DPP10: variants seen among roughly 807,000 people sequenced by gnomAD.
DPP10 encodes the protein dipeptidyl peptidase like 10.
Under a neutral mutation model 120.9 loss-of-function variants are expected in DPP10, and 33 were observed. The ratio of observed to expected loss-of-function variants is 0.27; its 90% CI spans 0.21 to 0.37. The LOEUF (loss-of-function observed/expected upper bound fraction) is 0.37, where lower values mean the gene tolerates loss of function less well. Among genes scored for constraint, DPP10 ranks in the 10% least tolerant of loss-of-function variants. The pLI is 1.00. For synonymous variants in DPP10, 337 were observed against 326.1 expected (o/e 1.03, Z -0.36); for missense variants, 816 against 942.8 (o/e 0.87, Z 1.76).
At chr2:115,372,812 A>G (rs1022374747) in intron 3 of DPP10, among the ~76,000 whole-genome samples, 1 of 152,186 alleles carries the variant, frequency 6.6e-6, no homozygotes, top group Non-Finnish European at 1.5e-5. Flanking sequence ...GAGTGCAGTT[A>G]TTCCTGGCAG....
At chr2:114,620,212 A>G (rs1209915616) in intron 1 of DPP10, among the ~76,000 whole-genome samples, 1 of 152,034 alleles carries the variant, frequency 6.6e-6, no homozygotes, top group Admixed American at 6.6e-5. Flanking sequence ...CAAGTCATCA[A>G]CAGGCATATA....
rs566969936 is a variant in DPP10 at position 115,673,539 on chromosome 2, C to G, written c.442-16148C>G. ...AACAAGTTAGGTGCCTTAACCAAGT[C>G]ATTGAAAGAATCGTATTTCTTCTGT... On this transcript the variant is annotated intron_variant, in intron 5 of 25. Transcript: ENST00000410059. Among the ~76,000 whole-genome samples the G allele has an allele frequency of 9.2e-5, 14 of 152,272 alleles. 1 individual carries two copies. The South Asian group carries it at 2.7e-3, about 29-fold the overall frequency.
chr2:114,522,366 T>C (rs1047647309), intron 1 of DPP10, among the ~76,000 whole-genome samples: 2 of 151,978 alleles, frequency 1.3e-5, no homozygotes, highest in African/African-American at 4.8e-5. Flanking sequence ...ATAACACCCA[T>C]GATCCTTCAA....
At chr2:114,610,096 G>A (rs1035337370) in intron 1 of DPP10, among the ~76,000 whole-genome samples, 11 of 152,222 alleles carry the variant, frequency 7.2e-5, no homozygotes, top group Non-Finnish European at 1.5e-4. Context: ...CTTCAAGGAA[G>A]TTAATAGCAT....
chr2:115,378,982 A>G (rs911119343), intron 3 of DPP10, among the ~76,000 whole-genome samples: 4 of 152,196 alleles, frequency 2.6e-5, no homozygotes, highest in African/African-American at 4.8e-5. Context: ...TTTTGCATCA[A>G]TGTTCATCAA....
intron 1 of DPP10, among the ~76,000 whole-genome samples, chr2:115,147,175 G>T (rs1238427364): frequency 6.7e-6 from 1 of 149,436 alleles, no homozygotes; most frequent in East Asian, 1.9e-4. Flanking sequence ...TGCATATATA[G>T]TGTGTGTATA....
At chr2:114,456,466 C>T (rs1370204251) in intron 1 of DPP10, among the ~76,000 whole-genome samples, 1 of 152,156 alleles carries the variant, frequency 6.6e-6, no homozygotes, top group African/African-American at 2.4e-5. Flanking sequence ...CAATAGCAAC[C>T]ATGTCAGAAA....
intron 22 of DPP10, 21 bp from the exon 23 acceptor site, chr2:115,836,486 G>A (rs1689543840): frequency 6.2e-7 from 1 of 1,604,546 alleles, no homozygotes; most frequent in African/African-American, 1.3e-5. Context: ...CTTCTCGAAT[G>A]TCTGTTTTCT....
At chr2:115,823,338 C>CT (rs1351087705) in intron 21 of DPP10, among the ~76,000 whole-genome samples, 28 of 152,064 alleles carry the variant, frequency 1.8e-4, no homozygotes, top group African/African-American at 6.5e-4. Context: ...TTTTTATTAG[C>CT]TCAGTACAAG....
chr2:114,973,164 G>C (rs925607838), intron 1 of DPP10, among the ~76,000 whole-genome samples: 2 of 152,086 alleles, frequency 1.3e-5, no homozygotes, highest in Non-Finnish European at 2.9e-5. Flanking sequence ...CATCACAGCT[G>C]TCTTAATGTC....
At chr2:114,652,183 G>C (rs1696640228) in intron 1 of DPP10, among the ~76,000 whole-genome samples, 1 of 152,160 alleles carries the variant, frequency 6.6e-6, no homozygotes, top group Non-Finnish European at 1.5e-5. Context: ...TTCCCCTGTG[G>C]AGGAAGTTAC....
intron 1 of DPP10, among the ~76,000 whole-genome samples, chr2:114,920,594 G>A (rs1343118371): frequency 6.6e-6 from 1 of 152,208 alleles, no homozygotes; most frequent in Non-Finnish European, 1.5e-5. Flanking sequence ...GAGTGAAAGT[G>A]TGGTTTCAAA....
chr2:115,020,006 C>T (rs763705844), intron 1 of DPP10, among the ~76,000 whole-genome samples: 12 of 152,102 alleles, frequency 7.9e-5, no homozygotes, highest in Non-Finnish European at 1.8e-4. Context: ...ACAAGAACTG[C>T]CAAAAGGAGC....
In DPP10 at chr2:115,334,712, A is replaced by AT. The variant is rs1205108934; in HGVS notation, c.176-9099dup. 4.6e-5 allele frequency among the ~76,000 whole-genome samples: 7 copies of AT among 152,090 alleles called. No individual in the cohort carries two copies. In the East Asian group the frequency reaches 1.4e-3, roughly 29 times the overall value. ...GAGATATTTCAAGAGAATGAAAAATATTTTTTGTTTGTCTGAAAGTGAATA... is the reference window on the plus strand; with the variant it reads ...GAGATATTTCAAGAGAATGAAAAATATTTTTTTGTTTGTCTGAAAGTGAATA... On this transcript the variant is annotated intron_variant, in intron 2 of 25. Transcript: ENST00000410059.
intron 1 of DPP10, among the ~76,000 whole-genome samples, chr2:115,003,589 T>G (rs1353152347): frequency 6.6e-6 from 1 of 152,112 alleles, no homozygotes; most frequent in Non-Finnish European, 1.5e-5. Context: ...GTTTATAAGT[T>G]AAATATGCTC....
At chr2:115,025,764 C>T (rs1313171975) in intron 1 of DPP10, among the ~76,000 whole-genome samples, 9 of 151,818 alleles carry the variant, frequency 5.9e-5, no homozygotes, top group African/African-American at 1.9e-4. Context: ...TGATGTTGAG[C>T]TTTTTTTTAT....
At chr2:115,309,820 G>T (rs2061508165) in intron 2 of DPP10, among the ~76,000 whole-genome samples, 1 of 152,026 alleles carries the variant, frequency 6.6e-6, no homozygotes, top group South Asian at 2.1e-4. Context: ...CCTATTTCTT[G>T]TGTCTTCTTT....
At chr2:115,305,717 GACAGAGCAAGACCCTCTCTCTAACA>G (rs2061334136) in intron 1 of DPP10, among the ~76,000 whole-genome samples, 1 of 151,824 alleles carries the variant, frequency 6.6e-6, no homozygotes, top group South Asian at 2.1e-4. Context: ...CAGCCTGGGT[GACAGAGCAAGACCCTCTCTCTAACA>G]ACATTTTTTT....
chr2:115,654,689 A>G (rs777418986), intron 5 of DPP10, among the ~76,000 whole-genome samples: 5 of 151,920 alleles, frequency 3.3e-5, no homozygotes, highest in Non-Finnish European at 7.4e-5. Context: ...CTATTTTTAA[A>G]TGAATTTCTT....
Sources: allele counts gnomAD v4.1 joint callset (sites outside exome capture counted in the v4.1 genomes callset), GRCh38; gene constraint gnomAD v4.1.1; transcripts MANE v1.5; gene names NCBI Gene and HGNC (gene_info 2026-07-23, HGNC 2026-07-21).